MEGF11: variants seen among roughly 807,000 people sequenced by gnomAD.
MEGF11 encodes the protein multiple EGF like domains 11.
A neutral mutation model predicts 146.6 loss-of-function variants in MEGF11; 126 were observed. That is an observed-to-expected ratio of 0.86 (90% CI 0.74 to 1.00). The LOEUF (loss-of-function observed/expected upper bound fraction) is 1.00. MEGF11 is among the 50% of genes least tolerant of loss of function. The probability of loss-of-function intolerance (pLI) is 0.00; values close to 1 mark genes in which losing one functional copy is unlikely to be tolerated. For missense variants in MEGF11, 1,509 were observed against 1,521.2 expected (o/e 0.99, Z 0.13); for synonymous variants, 532 against 583.4 (o/e 0.91, Z 1.27).
chr15:66,077,292 A>G (rs916236046), intron 5 of MEGF11, among the ~76,000 whole-genome samples: 1 of 152,064 alleles, frequency 6.6e-6, no homozygotes, highest in African/African-American at 2.4e-5. Context: ...CTCACATCTC[A>G]TCCTTCTTTG....
chr15:66,246,027 G>C (rs11634029), intron 1 of MEGF11, among the ~76,000 whole-genome samples: 26,046 of 152,094 alleles, frequency 0.17, 2,681 homozygotes, highest in Middle Eastern at 0.31. Context: ...TTGGGAGGCC[G>C]AGTGGGGTGG....
chr15:66,201,777 C>A (rs1248056407), intron 1 of MEGF11, among the ~76,000 whole-genome samples: 1 of 81,186 alleles, frequency 1.2e-5, no homozygotes, highest in Non-Finnish European at 2.6e-5. Flanking sequence ...ACTAAAAATC[C>A]CAAAAAAAAA....
chr15:66,121,250 G>T (rs2088009818), intron 3 of MEGF11, among the ~76,000 whole-genome samples: 1 of 152,192 alleles, frequency 6.6e-6, no homozygotes, highest in Non-Finnish European at 1.5e-5. Context: ...GTCTGCCAGG[G>T]CTTTGGGAGG....
rs116604880 is a variant in MEGF11 at position 65,980,917 on chromosome 15, G to A, written c.642-19C>T. The A allele has an allele frequency of 1.4e-3, 2,227 of 1,555,858 alleles. 44 individuals are homozygous for A. In the African/African-American group the frequency reaches 0.028, roughly 19 times the overall value. ...CTCGCAGCTGCATGGAGAAGCAGAGGTGTTAGACACAGCAGCATTCAGATC... is the reference window on the plus strand; with the variant it reads ...CTCGCAGCTGCATGGAGAAGCAGAGATGTTAGACACAGCAGCATTCAGATC... On this transcript the variant is annotated intron_variant, in intron 6 of 25. Transcript: ENST00000395614.
At chr15:66,050,974 G>C (rs1005752133) in intron 5 of MEGF11, among the ~76,000 whole-genome samples, 1 of 152,232 alleles carries the variant, frequency 6.6e-6, no homozygotes, top group Non-Finnish European at 1.5e-5. Context: ...TTTACAGAGA[G>C]CTCTTCCCAA....
rs980390320 is a variant in MEGF11 at position 66,023,476 on chromosome 15, G to A, written c.395-40988C>T. Among the ~76,000 whole-genome samples the A allele has an allele frequency of 2.6e-5, 4 of 152,380 alleles. No homozygotes were observed. The East Asian group carries it at 7.7e-4, about 29-fold the overall frequency. ...AAGGCAGATGAATGGGTGGTCAGGT[G>A]TGAGGACGTCAGCCAAGGCTCCCTG... On this transcript the variant is annotated intron_variant, in intron 5 of 25. Transcript: ENST00000395614.
At chr15:66,249,648 TC>T (rs548381759) in intron 1 of MEGF11, among the ~76,000 whole-genome samples, 4 of 152,204 alleles carry the variant, frequency 2.6e-5, no homozygotes, top group African/African-American at 4.8e-5. Flanking sequence ...GTTCCAGGCT[TC>T]CCCATCTTAT....
At chr15:66,220,598 C>T (rs181232249) in intron 1 of MEGF11, among the ~76,000 whole-genome samples, 50 of 145,104 alleles carry the variant, frequency 3.4e-4, no homozygotes, top group African/African-American at 1.1e-3. Context: ...AGTGCAGTGG[C>T]GTGATCTCGG....
intron 5 of MEGF11, among the ~76,000 whole-genome samples, chr15:66,076,247 T>C (rs1266703572): frequency 1.3e-5 from 2 of 150,876 alleles, no homozygotes; most frequent in Non-Finnish European, 2.9e-5. Context: ...GATGGATGGA[T>C]GGATGCATGT....
chr15:66,213,446 G>A (rs531698887), intron 1 of MEGF11, among the ~76,000 whole-genome samples: 153 of 152,196 alleles, frequency 1.0e-3, no homozygotes, highest in Non-Finnish European at 1.9e-3. Flanking sequence ...GAACAACACA[G>A]ACAAAATTTC....
intron 1 of MEGF11, among the ~76,000 whole-genome samples, chr15:66,240,463 T>C (rs1436214460): frequency 2.0e-5 from 3 of 152,270 alleles, no homozygotes; most frequent in Middle Eastern, 3.4e-3. Flanking sequence ...GTGCTTCCGG[T>C]GAACAATTTA....
At chr15:66,146,524 C>T (rs80232204) in intron 1 of MEGF11, among the ~76,000 whole-genome samples, 1,658 of 152,380 alleles carry the variant, frequency 0.011, 36 homozygotes, top group African/African-American at 0.037. Context: ...CAATAAGACA[C>T]GGATTGGTGC....
intron 1 of MEGF11, among the ~76,000 whole-genome samples, chr15:66,244,781 G>A (rs2092270771): frequency 6.6e-6 from 1 of 152,080 alleles, no homozygotes; most frequent in African/African-American, 2.4e-5. Flanking sequence ...AGAAAAAAGG[G>A]TGAAGATTAA....
intron 4 of MEGF11, among the ~76,000 whole-genome samples, 178 bp from the exon 5 acceptor site, chr15:66,094,672 C>T (rs1005496987): frequency 4.6e-5 from 7 of 152,172 alleles, no homozygotes; most frequent in Admixed American, 1.3e-4. Context: ...TAATTAACTC[C>T]AGAATGGATC....
rs993173832 is a variant in MEGF11 at position 66,209,378 on chromosome 15, C to G, written c.-9+44227G>C. The stretch of plus-strand genomic sequence containing the variant: ...AAAAAAAAACAAAAAAAACTAAACA[C>G]GCAAGTACCATATGAGCAATTACGC... On this transcript the variant is annotated intron_variant, in intron 1 of 25. Transcript: ENST00000395614. 4.0e-5 allele frequency among the ~76,000 whole-genome samples: 6 copies of G among 151,772 alleles called. No individual in the cohort carries two copies. The East Asian group carries it at 1.2e-3, about 29-fold the overall frequency.
At chr15:66,079,545 C>G (rs538427989) in intron 5 of MEGF11, among the ~76,000 whole-genome samples, 5 of 122,894 alleles carry the variant, frequency 4.1e-5, no homozygotes, top group East Asian at 4.5e-4. Flanking sequence ...ACACCCCCCC[C>G]CCCAGCACCC....
At chr15:66,084,943 C>T (rs1025736148) in intron 5 of MEGF11, among the ~76,000 whole-genome samples, 8 of 152,092 alleles carry the variant, frequency 5.3e-5, no homozygotes, top group Non-Finnish European at 1.0e-4. Flanking sequence ...AAACAGACTC[C>T]GGGCTGTTGC....
intron 4 of MEGF11, among the ~76,000 whole-genome samples, chr15:66,099,476 C>T (rs1174241440): frequency 6.6e-6 from 1 of 152,116 alleles, no homozygotes; most frequent in Non-Finnish European, 1.5e-5. Context: ...TGAGCCACCG[C>T]CCATCCTGCC....
intron 5 of MEGF11, among the ~76,000 whole-genome samples, chr15:66,022,058 G>T (rs925186504): frequency 3.3e-5 from 5 of 152,140 alleles, no homozygotes; most frequent in African/African-American, 1.2e-4. Flanking sequence ...CCAGGCAGGT[G>T]GTGGGTCTGG....
Sources: allele counts gnomAD v4.1 joint callset (sites outside exome capture counted in the v4.1 genomes callset), GRCh38; gene constraint gnomAD v4.1.1; transcripts MANE v1.5; gene names NCBI Gene and HGNC (gene_info 2026-07-23, HGNC 2026-07-21).